OR4N5: variants seen among roughly 807,000 people sequenced by gnomAD.
The protein encoded by OR4N5 is olfactory receptor family 4 subfamily N member 5, also known as olfactory receptor 4N5.
For missense variants in OR4N5, 428 were observed against 370.0 expected, an observed-to-expected ratio of 1.16 and a Z score of -1.29; for synonymous variants, 155 against 140.6, an observed-to-expected ratio of 1.10 and a Z score of -0.72.
chr14:20,139,001 G>GAAT (rs1396432504), intron 1 of OR4N5, 111 bp downstream of exon 1: 1 of 151,928 alleles, frequency 6.6e-6, no homozygotes, highest in Non-Finnish European at 1.5e-5. Flanking sequence ...TATGAGAACA[G>GAAT]AATTCTGCTG....
intron 2 of OR4N5, among the ~76,000 whole-genome samples, chr14:20,142,285 C>A (rs980544056): frequency 6.6e-6 from 1 of 152,054 alleles, no homozygotes; most frequent in Non-Finnish European, 1.5e-5. Context: ...GCCACCACAC[C>A]CAGCTAATTT....
rs780967213 is a variant in OR4N5 at position 20,143,820 on chromosome 14, G to T, written c.85G>T (p.Val29Leu). The change falls in exon 3 of 3, where the codon GTG becomes TTG. Residue 29 changes from valine (V) to leucine (L), a missense_variant. Transcript: ENST00000641086. ...TCAAGATGCTCAACTTCTGGTCTTT[G>T]TGCTAGTCTTAATTTTCTACCTTAT... Reference protein sequence around the residue: ...QSQDAQLLVFVLVLIFYLIIL... With the variant: ...QSQDAQLLVFLLVLIFYLIIL... The T allele has an allele frequency of 1.3e-5, 21 of 1,613,868 alleles. No homozygotes were observed. Among genetic ancestry groups the T allele is most frequent in the Non-Finnish European group, 1.6e-5 (19 of 1,179,942 alleles).
At chr14:20,139,822 A>G (rs1416763957) in intron 1 of OR4N5, among the ~76,000 whole-genome samples, 4 of 152,156 alleles carry the variant, frequency 2.6e-5, no homozygotes, top group Admixed American at 6.6e-5. Flanking sequence ...TAACTTGCCT[A>G]AGCTTCCTAA....
rs1471962486 is a variant in OR4N5, at chr14:20,144,174, G to A, written c.439G>A (p.Val147Ile). 1.9e-6 allele frequency: 3 copies of A among 1,614,094 alleles called. No individual in the cohort carries two copies. The Admixed American group carries it at 5.0e-5, about 27-fold the overall frequency. The change falls in exon 3 of 3, where the codon GTT becomes ATT. Residue 147 changes from valine to isoleucine, a missense_variant. By Grantham distance (29) the Val-to-Ile change is conservative. Transcript: ENST00000641086. Reference sequence around the variant, plus strand: ...TAGAGCCTGCTATGCATTATCGTTGGTTCTGTGGCTTGGGGGCTTTATCCA... The same window carrying A: ...TAGAGCCTGCTATGCATTATCGTTGATTCTGTGGCTTGGGGGCTTTATCCA... The part of the protein sequence containing the change: ...NPRACYALSL[V>I]LWLGGFIHSI...
chr14:20,140,734 A>C (rs1346921625), intron 1 of OR4N5, 109 bp from the exon 2 acceptor site: 3 of 152,128 alleles, frequency 2.0e-5, no homozygotes, highest in Non-Finnish European at 4.4e-5. Context: ...ATCTATCTAT[A>C]CGTATATATA....
Position 20,144,448 on chromosome 14 carries a change from C to A in OR4N5, c.713C>A (p.Ser238Tyr), listed in dbSNP as rs1878692361. The change falls in exon 3 of 3, where the codon TCC becomes TAC. Residue 238 changes from serine (S) to tyrosine (Y), a missense_variant. Physicochemically the swap from Ser to Tyr is moderately radical, Grantham distance 144. Coordinates refer to ENST00000641086, the MANE Select transcript of OR4N5 (RefSeq NM_001004724.2). ...TCTGAAGGAAAGAGCAAGGCTATTT[C>A]CACATGCACCACCCATATTATCATT... is the stretch of plus-strand genomic sequence containing the variant. ...HSSEGKSKAI[S>Y]TCTTHIIIIF... The A allele has an allele frequency of 6.2e-7, 1 of 1,613,888 alleles. No homozygotes were observed. Among genetic ancestry groups the A allele is most frequent in the African/African-American group, 1.3e-5 (1 of 74,936 alleles).
intron 2 of OR4N5, among the ~76,000 whole-genome samples, chr14:20,142,277 C>A (rs910090397): frequency 6.6e-6 from 1 of 152,054 alleles, no homozygotes; most frequent in African/African-American, 2.4e-5. Context: ...AAGCACCAGC[C>A]ACCACACCCA....
rs764195292 is a variant in OR4N5 at position 20,143,906 on chromosome 14, C to G, written c.171C>G (p.Ala57=). Residue 57 remains alanine, a synonymous_variant, in exon 3 of 3, where the codon GCC becomes GCG. Coordinates refer to ENST00000641086, the MANE Select transcript of OR4N5 (RefSeq NM_001004724.2). ...FTIKSDPGLT[A]PLYFFLGNLA... ...TAAAGTCAGACCCTGGGCTCACAGC[C>G]CCCCTCTATTTCTTTCTGGGCAACT... 2 of 1,613,882 alleles carry G rather than the reference C, an allele frequency of 1.2e-6. No homozygotes were observed. The highest frequency in any genetic ancestry group is 1.7e-6 in the Non-Finnish European group (2 of 1,179,964).
chr14:20,143,686 G>T (rs1325134037), intron 2 of OR4N5, 39 bp from the exon 3 acceptor site: 1 of 1,324,918 alleles, frequency 7.5e-7, no homozygotes, highest in Admixed American at 2.0e-5. Context: ...TGAAAAGGTG[G>T]TTATAACAGA....
At chr14:20,139,294 C>T (rs1393581377) in intron 1 of OR4N5, among the ~76,000 whole-genome samples, 2 of 152,050 alleles carry the variant, frequency 1.3e-5, no homozygotes, top group African/African-American at 2.4e-5. Flanking sequence ...TCAAAAAGGG[C>T]AGGCTGAGTC....
chr14:20,142,435 A>C (rs1168827815), intron 2 of OR4N5, among the ~76,000 whole-genome samples: 1 of 152,170 alleles, frequency 6.6e-6, no homozygotes, highest in African/African-American at 2.4e-5. Flanking sequence ...TTAAAAACAT[A>C]GCTTATAATA....
rs1243965672 is a variant in OR4N5, at chr14:20,144,263, C to T, written c.528C>T (p.Asn176=). The change falls in exon 3 of 3, where the codon AAC becomes AAT. Residue 176 remains asparagine (N), a synonymous_variant. Coordinates refer to ENST00000641086, the MANE Select transcript of OR4N5 (RefSeq NM_001004724.2). ...TCTGTGGCCCAAACCAGCTCGATAA[C>T]TTCTTCTGTGATGTTCCACAGGTCA... ...LPFCGPNQLD[N]FFCDVPQVIK... 2.5e-6 allele frequency: 4 copies of T among 1,613,840 alleles called. No individual in the cohort carries two copies. Among genetic ancestry groups the T allele is most frequent in the Non-Finnish European group, 3.4e-6 (4 of 1,179,910 alleles).
Position 20,144,458 on chromosome 14 carries a change from C to A in OR4N5, c.723C>A (p.Thr241=), listed in dbSNP as rs1421190696. Residue 241 remains threonine, a synonymous_variant, in exon 3 of 3, where the codon ACC becomes ACA. Coordinates refer to ENST00000641086, the MANE Select transcript of OR4N5 (RefSeq NM_001004724.2). ...AGAGCAAGGCTATTTCCACATGCAC[C>A]ACCCATATTATCATTATATTTCTCA... is the stretch of plus-strand genomic sequence containing the variant. ...EGKSKAISTC[T]THIIIIFLMF... 6.2e-7 allele frequency: 1 copy of A among 1,613,892 alleles called. No homozygotes were observed. Among genetic ancestry groups the A allele is most frequent in the African/African-American group, 1.3e-5 (1 of 74,914 alleles).
chr14:20,142,586 A>G (rs151139554), intron 2 of OR4N5, among the ~76,000 whole-genome samples: 1 of 152,304 alleles, frequency 6.6e-6, no homozygotes, highest in African/African-American at 2.4e-5. Context: ...TAGAATACTT[A>G]TTTAGACAAA....
intron 1 of OR4N5, among the ~76,000 whole-genome samples, chr14:20,139,342 C>A (rs895547725): frequency 3.3e-5 from 5 of 152,084 alleles, no homozygotes; most frequent in African/African-American, 1.2e-4. Context: ...AGTTTGGAAA[C>A]CTCTGGTTCC....
chr14:20,143,315 A>G (rs761736715), intron 2 of OR4N5, among the ~76,000 whole-genome samples: 7 of 152,322 alleles, frequency 4.6e-5, no homozygotes, highest in East Asian at 1.9e-4. Context: ...TGACAGGAAG[A>G]AAGGGAACTA....
chr14:20,140,124 T>C (rs1388760133), intron 1 of OR4N5, among the ~76,000 whole-genome samples: 1 of 152,132 alleles, frequency 6.6e-6, no homozygotes, highest in Non-Finnish European at 1.5e-5. Context: ...CACTCTACCT[T>C]GGAACAGGTT....
chr14:20,139,919 T>C (rs1352445203), intron 1 of OR4N5, among the ~76,000 whole-genome samples: 1 of 152,206 alleles, frequency 6.6e-6, no homozygotes, highest in Non-Finnish European at 1.5e-5. Flanking sequence ...GCCTCATTTT[T>C]ATCAAGATGA....
Position 20,144,483 on chromosome 14 carries a change from A to T in OR4N5, c.748A>T (p.Met250Leu), listed in dbSNP as rs764955881. ...CACCCATATTATCATTATATTTCTC[A>T]TGTTTGGACCTGCTATTTTCATCTA... ...CTTHIIIIFL[M>L]FGPAIFIYTC... Residue 250 changes from methionine to leucine, a missense_variant, in exon 3 of 3, where the codon ATG becomes TTG. Met to Leu is a conservative substitution (Grantham distance 15, BLOSUM62 2). Transcript: ENST00000641086. 1 of 1,613,790 alleles carries T rather than the reference A, an allele frequency of 6.2e-7. No homozygotes were observed. The highest frequency in any genetic ancestry group is 2.2e-5 in the East Asian group (1 of 44,854).
Sources: gnomAD v4.1 joint callset for allele counts (sites outside exome capture counted in the v4.1 genomes callset) on GRCh38, gnomAD v4.1.1 for gene constraint, MANE v1.5 for transcripts, NCBI Gene and HGNC (gene_info 2026-07-23, HGNC 2026-07-21) for gene names.